The following SETBP1 variants were observed in gnomAD, a reference collection of about 807,000 sequenced individuals.
SETBP1 encodes SET binding protein 1.
A neutral mutation model predicts 101.0 loss-of-function variants in SETBP1; 9 were observed. That is an observed-to-expected ratio of 0.09 (90% CI 0.05 to 0.16). The LOEUF (loss-of-function observed/expected upper bound fraction) is 0.16. Among genes scored for constraint, SETBP1 ranks in the 10% least tolerant of loss-of-function variants. The pLI, the probability that SETBP1 is intolerant of heterozygous loss-of-function variation, is 1.00. For synonymous variants in SETBP1, 818 were observed against 788.5 expected, an observed-to-expected ratio of 1.04 and a Z score of -0.63; for missense variants, 1,858 against 2,033.8, an observed-to-expected ratio of 0.91 and a Z score of 1.66.
chr18:44,853,451 C>T (rs987245922), intron 2 of SETBP1, among the ~76,000 whole-genome samples: 3 of 152,210 alleles, frequency 2.0e-5, no homozygotes, highest in African/African-American at 7.2e-5. Flanking sequence ...GAGGCACTGA[C>T]TCCTTTGTCT....
At chr18:44,729,535 A>G (rs944864051) in intron 2 of SETBP1, among the ~76,000 whole-genome samples, 16 of 152,242 alleles carry the variant, frequency 1.1e-4, no homozygotes, top group Non-Finnish European at 4.4e-5. Context: ...CACTATTCAT[A>G]AAGAAGGGAG....
chr18:44,744,037 T>C (rs1483347042), intron 2 of SETBP1, among the ~76,000 whole-genome samples: 1 of 152,224 alleles, frequency 6.6e-6, no homozygotes, highest in East Asian at 1.9e-4. Context: ...GTCTCATTGG[T>C]GTGCCATTCC....
At chr18:44,893,260 G>A (rs913126853) in intron 3 of SETBP1, among the ~76,000 whole-genome samples, 3 of 152,040 alleles carry the variant, frequency 2.0e-5, no homozygotes, top group African/African-American at 7.2e-5. Context: ...ACATTTACTG[G>A]CCACTGACTA....
At chr18:44,909,775 T>G (rs1248640984) in intron 3 of SETBP1, among the ~76,000 whole-genome samples, 1 of 152,170 alleles carries the variant, frequency 6.6e-6, no homozygotes, top group African/African-American at 2.4e-5. Context: ...TTATAAATAT[T>G]TAAAGGGGAG....
At position 44,879,409 on chromosome 18, in the gene SETBP1, T is replaced by G. The variant is rs117271493; in HGVS notation, c.540+10126T>G. Among the ~76,000 whole-genome samples, 74 of 152,194 alleles carry G rather than the reference T, an allele frequency of 4.9e-4. 1 individual carries two copies. The East Asian group carries it at 0.014, about 28-fold the overall frequency. ...ACCTACCATGGGGTTTTGAACAGGA[T>G]TGAAAAGATAAGCCCATAGAAAAGT... On this transcript the variant is annotated intron_variant, in intron 3 of 5. Transcript: ENST00000649279.
rs940691364 is a variant in SETBP1, at chr18:44,925,020, T to G, written c.541-24861T>G. Among the ~76,000 whole-genome samples the G allele has an allele frequency of 2.1e-4, 30 of 144,768 alleles. No homozygotes were observed. In the East Asian group the frequency reaches 3.1e-3, roughly 15 times the overall value. The allele number at this position is 144,768 out of a possible 152,430, so 95.0% of individuals were successfully genotyped here. A position where few individuals can be genotyped will look rare whatever the true frequency, so the allele number is the denominator to read the frequency against. Reference sequence around the variant, plus strand: ...GATCCTGTGTGAGTTTTTTTTTTTTTTTTTTTTTTTTTTTTCACGAGAATG... The same window carrying G: ...GATCCTGTGTGAGTTTTTTTTTTTTGTTTTTTTTTTTTTTTCACGAGAATG... On this transcript the variant is annotated intron_variant, in intron 3 of 5. Transcript: ENST00000649279.
chr18:44,948,623 C>T (rs755162855), intron 3 of SETBP1, among the ~76,000 whole-genome samples: 2 of 152,132 alleles, frequency 1.3e-5, no homozygotes, highest in African/African-American at 4.8e-5. Context: ...CTAATATTTT[C>T]TCTGTTTAAC....
chr18:44,984,671 A>G (rs1378418131), intron 4 of SETBP1, among the ~76,000 whole-genome samples: 1 of 152,200 alleles, frequency 6.6e-6, no homozygotes, highest in Non-Finnish European at 1.5e-5. Flanking sequence ...GGATTAAATG[A>G]GGTCACACCT....
At chr18:44,765,611 A>G (rs1286467366) in intron 2 of SETBP1, among the ~76,000 whole-genome samples, 1 of 152,206 alleles carries the variant, frequency 6.6e-6, no homozygotes, top group Non-Finnish European at 1.5e-5. Context: ...CAAATTAATC[A>G]TTATTAATCA....
chr18:44,842,465 G>A (rs1473148926), intron 2 of SETBP1, among the ~76,000 whole-genome samples: 1 of 152,182 alleles, frequency 6.6e-6, no homozygotes, highest in Non-Finnish European at 1.5e-5. Flanking sequence ...GCTCCCTGGG[G>A]ACAGCTTTAC....
chr18:44,885,667 C>T (rs1388539651), intron 3 of SETBP1, among the ~76,000 whole-genome samples: 3 of 151,694 alleles, frequency 2.0e-5, no homozygotes, highest in African/African-American at 7.3e-5. Flanking sequence ...CAGCTGTAAC[C>T]TTAGACCTCG....
rs545535704 is a variant in SETBP1 at position 44,793,690 on chromosome 18, A to G, written c.487-75540A>G. 3.9e-5 allele frequency among the ~76,000 whole-genome samples: 6 copies of G among 152,324 alleles called. No individual in the cohort carries two copies. The South Asian group carries it at 1.2e-3, about 32-fold the overall frequency. ...AAACATAATCCTATAAACAGCCTAG[A>G]TAGGGTACAAGATCAAGCCAAGGCC... On this transcript the variant is annotated intron_variant, in intron 2 of 5. Transcript: ENST00000649279.
chr18:45,054,363 T>A (rs1353082815), intron 5 of SETBP1, among the ~76,000 whole-genome samples: 1 of 152,064 alleles, frequency 6.6e-6, no homozygotes, highest in Non-Finnish European at 1.5e-5. Context: ...ACTTTTTGTA[T>A]TTTTAGTAGA....
In SETBP1 at chr18:45,009,982, C is replaced by T. The variant is rs917237967; in HGVS notation, c.4001-28503C>T. ...TTGCCTTTGGTACACAGATCAATGC[C>T]TGTTAACCACAGTTCCTCGCCTGGG... On this transcript the variant is annotated intron_variant, in intron 4 of 5. Coordinates refer to ENST00000649279, the MANE Select transcript of SETBP1 (RefSeq NM_015559.3). Among the ~76,000 whole-genome samples the T allele has an allele frequency of 4.6e-5, 7 of 152,200 alleles. 1 individual carries two copies. Among genetic ancestry groups the T allele is most frequent in the Non-Finnish European group, 1.0e-4 (7 of 68,040 alleles).
At chr18:45,026,346 A>G (rs760578791) in intron 4 of SETBP1, among the ~76,000 whole-genome samples, 1 of 152,162 alleles carries the variant, frequency 6.6e-6, no homozygotes. Flanking sequence ...AGACGATCCA[A>G]GGACATGACT....
At chr18:44,888,498 G>A (rs1433321163) in intron 3 of SETBP1, among the ~76,000 whole-genome samples, 1 of 152,092 alleles carries the variant, frequency 6.6e-6, no homozygotes, top group Non-Finnish European at 1.5e-5. Context: ...GGTACCAAAA[G>A]GATGCACTTC....
intron 4 of SETBP1, among the ~76,000 whole-genome samples, chr18:45,007,730 T>C (rs964067833): frequency 2.6e-5 from 4 of 152,330 alleles, no homozygotes; most frequent in African/African-American, 9.6e-5. Context: ...CTCTTCAGAA[T>C]TGAGTCAGCT....
chr18:44,921,607 T>A (rs80275646), intron 3 of SETBP1, among the ~76,000 whole-genome samples: 1 of 152,218 alleles, frequency 6.6e-6, no homozygotes, highest in Non-Finnish European at 1.5e-5. Flanking sequence ...GCAATTTTTT[T>A]TTATCATCAT....
chr18:44,878,370 C>G (rs1217699908), intron 3 of SETBP1, among the ~76,000 whole-genome samples: 3 of 151,786 alleles, frequency 2.0e-5, no homozygotes, highest in Non-Finnish European at 2.9e-5. Flanking sequence ...GTAAAGTGGC[C>G]TAAAGATGAG....
Sources: allele counts gnomAD v4.1 joint callset (sites outside exome capture counted in the v4.1 genomes callset), GRCh38; gene constraint gnomAD v4.1.1; transcripts MANE v1.5; gene names NCBI Gene and HGNC (gene_info 2026-07-23, HGNC 2026-07-21).